The following ZSCAN25 variants were observed in gnomAD, a reference collection of about 807,000 sequenced individuals.
ZSCAN25 encodes zinc finger and SCAN domain-containing protein 25.
ZSCAN25 carries 27 observed loss-of-function variants against 38.7 expected under a neutral mutation model. That is an observed-to-expected ratio of 0.70 (90% CI 0.51 to 0.96). The LOEUF (loss-of-function observed/expected upper bound fraction) is 0.96. Ranked by LOEUF, ZSCAN25 falls within the 40% of genes least tolerant of loss-of-function variation. The probability of loss-of-function intolerance (pLI) is 0.00; values close to 1 mark genes in which losing one functional copy is unlikely to be tolerated. For missense variants in ZSCAN25, 637 were observed against 705.9 expected (o/e 0.90, Z 1.11); for synonymous variants, 273 against 277.7 (o/e 0.98, Z 0.17).
At chr7:99,655,292 T>C in the ZSCAN25 span, among the ~76,000 whole-genome samples, 27 of 152,196 alleles carry the variant, frequency 1.8e-4, no homozygotes, top group East Asian at 7.7e-4. Flanking sequence ...CAGCTTTCTA[T>C]ATATGGCTAG....
At chr7:99,711,553 G>A in the ZSCAN25 span, among the ~76,000 whole-genome samples, 74 of 152,282 alleles carry the variant, frequency 4.9e-4, 1 homozygote, top group African/African-American at 1.5e-3. Flanking sequence ...TGGATCACCC[G>A]AGGTCAGGAG....
chr7:99,677,096 G>T, the ZSCAN25 span: 1 of 827,672 alleles, frequency 1.2e-6, no homozygotes, highest in Non-Finnish European at 1.5e-6. Context: ...AAGTATCTCT[G>T]AGGAAAAACC....
the ZSCAN25 span, among the ~76,000 whole-genome samples, chr7:99,699,338 G>A: frequency 6.6e-6 from 1 of 152,110 alleles, no homozygotes; most frequent in Non-Finnish European, 1.5e-5. Context: ...GGGTGGAGGA[G>A]TGAGTCATAG....
At chr7:99,663,889 G>C in the ZSCAN25 span, 2 of 1,475,180 alleles carry the variant, frequency 1.4e-6, no homozygotes, top group Admixed American at 2.7e-5. Context: ...TAAAAATACA[G>C]ATACATGCTC....
intron 7 of ZSCAN25, among the ~76,000 whole-genome samples, chr7:99,627,760 G>A (rs1807612557): frequency 6.6e-6 from 1 of 151,080 alleles, no homozygotes; most frequent in Admixed American, 6.6e-5. Flanking sequence ...CGTATATGCT[G>A]TATACGTATA....
the ZSCAN25 span, chr7:99,638,212 C>G: frequency 6.7e-7 from 1 of 1,484,658 alleles, no homozygotes; most frequent in African/African-American, 1.4e-5. Flanking sequence ...GATTTCTCTC[C>G]TTCCAGGGGA....
chr7:99,621,748 C>T (rs1196105596), intron 5 of ZSCAN25, 174 bp downstream of exon 5: 8 of 460,992 alleles, frequency 1.7e-5, no homozygotes, highest in African/African-American at 4.0e-5. Flanking sequence ...TGTTTCTTCT[C>T]CCTTTACCCT....
At chr7:99,652,391 G>A in the ZSCAN25 span, 3 of 527,374 alleles carry the variant, frequency 5.7e-6, no homozygotes, top group Non-Finnish European at 9.8e-6. Flanking sequence ...GTTTTTTCTA[G>A]TCTGTGGTTT....
chr7:99,650,849 T>C, the ZSCAN25 span, among the ~76,000 whole-genome samples: 1 of 152,234 alleles, frequency 6.6e-6, no homozygotes, highest in Non-Finnish European at 1.5e-5. Flanking sequence ...ATAAGTTACA[T>C]GGGCATATGA....
At chr7:99,683,366 A>G in the ZSCAN25 span, among the ~76,000 whole-genome samples, 1 of 152,216 alleles carries the variant, frequency 6.6e-6, no homozygotes, top group African/African-American at 2.4e-5. Flanking sequence ...ACATACATAC[A>G]TTTATGTCTA....
At chr7:99,675,981 C>T in the ZSCAN25 span, 1 of 708,432 alleles carries the variant, frequency 1.4e-6, no homozygotes. Flanking sequence ...AGGCATGATC[C>T]ACTGCACCCA....
chr7:99,630,198 C>G lies in ZSCAN25; in HGVS notation c.*178C>G. ...CCAGAGAGCATAGCTGCTTCCATCTCTTACCCAAGTGGTGCTAAACAATTT... is the reference window on the plus strand; with the variant it reads ...CCAGAGAGCATAGCTGCTTCCATCTGTTACCCAAGTGGTGCTAAACAATTT... On this transcript the variant is annotated 3_prime_UTR_variant, in exon 8 of 8. Transcript: ENST00000394152. 1 of 1,385,826 alleles carries G rather than the reference C, an allele frequency of 7.2e-7. No homozygotes were observed. Among genetic ancestry groups the G allele is most frequent in the Non-Finnish European group, 9.3e-7 (1 of 1,075,888 alleles). 85.8% of individuals were successfully genotyped at this position (1,385,826 alleles called of 1,614,324 possible). A position where few individuals can be genotyped will look rare whatever the true frequency, so the allele number is the denominator to read the frequency against.
At chr7:99,718,892 T>C in the ZSCAN25 span, among the ~76,000 whole-genome samples, 6 of 152,116 alleles carry the variant, frequency 3.9e-5, no homozygotes, top group Admixed American at 3.3e-4. Flanking sequence ...AAAAACATAA[T>C]ATCATTTACA....
the ZSCAN25 span, chr7:99,663,550 C>T: frequency 3.0e-6 from 3 of 992,546 alleles, no homozygotes; most frequent in Non-Finnish European, 3.6e-6. Flanking sequence ...GGCAGGTAGC[C>T]TCATAGGACC....
At chr7:99,638,187 T>G in the ZSCAN25 span, 1 of 1,404,092 alleles carries the variant, frequency 7.1e-7, no homozygotes. Flanking sequence ...GCGATAATCC[T>G]GTGAATGGGT....
downstream of ZSCAN25, among the ~76,000 whole-genome samples, chr7:99,636,053 A>C (rs1584381326): frequency 6.7e-6 from 1 of 148,472 alleles, no homozygotes; most frequent in East Asian, 1.9e-4. Context: ...TCTCAAAAAA[A>C]AAAAAAAAAA....
At chr7:99,679,455 A>T in the ZSCAN25 span, among the ~76,000 whole-genome samples, 715 of 152,296 alleles carry the variant, frequency 4.7e-3, 4 homozygotes, top group African/African-American at 0.016. Flanking sequence ...CTGTACCCAG[A>T]ATCCCCAGAG....
chr7:99,681,050 C>A, the ZSCAN25 span, among the ~76,000 whole-genome samples: 1 of 152,334 alleles, frequency 6.6e-6, no homozygotes, highest in South Asian at 2.1e-4. Flanking sequence ...TGAGAACTTG[C>A]AATATCTGTG....
the ZSCAN25 span, among the ~76,000 whole-genome samples, chr7:99,728,717 A>G: frequency 6.6e-6 from 1 of 152,178 alleles, no homozygotes; most frequent in South Asian, 2.1e-4. Flanking sequence ...CATGACACCA[A>G]CCAGACAAAA....
Sources: allele counts gnomAD v4.1 joint callset (sites outside exome capture counted in the v4.1 genomes callset), GRCh38; gene constraint gnomAD v4.1.1; transcripts MANE v1.5; gene names NCBI Gene and HGNC (gene_info 2026-07-23, HGNC 2026-07-21).